ZFAT: variants seen among roughly 807,000 people sequenced by gnomAD.
ZFAT encodes the protein zinc finger and AT-hook domain containing.
Under a neutral mutation model 117.7 loss-of-function variants are expected in ZFAT, and 64 were observed. The observed-to-expected ratio is 0.54, with a 90% confidence interval of 0.44 to 0.67. ZFAT has a LOEUF of 0.67. Among genes scored for constraint, ZFAT ranks in the 30% least tolerant of loss-of-function variants. ZFAT has a pLI of 0.00. For missense variants in ZFAT, 1,433 were observed against 1,584.5 expected, an observed-to-expected ratio of 0.90 and a Z score of 1.62; for synonymous variants, 679 against 615.0, an observed-to-expected ratio of 1.10 and a Z score of -1.54.
chr8:134,517,345 T>C (rs1407153978), intron 13 of ZFAT, among the ~76,000 whole-genome samples: 29 of 152,162 alleles, frequency 1.9e-4, no homozygotes, highest in Admixed American at 1.9e-3. Context: ...TTGAGAAATT[T>C]AGCTTCTCCC....
intron 1 of ZFAT, among the ~76,000 whole-genome samples, chr8:134,658,275 T>C (rs538603415): frequency 6.9e-6 from 1 of 144,820 alleles, no homozygotes; most frequent in East Asian, 2.0e-4. Context: ...AGGTGAAGCT[T>C]GCAGTGAGCC....
intron 2 of ZFAT, among the ~76,000 whole-genome samples, chr8:134,650,239 C>T (rs1346362482): frequency 1.3e-5 from 2 of 151,550 alleles, no homozygotes; most frequent in East Asian, 3.9e-4. Context: ...TCTTCTGCTG[C>T]CTCAGCCTCC....
At chr8:134,537,286 T>C (rs886800073) in intron 11 of ZFAT, among the ~76,000 whole-genome samples, 1 of 152,242 alleles carries the variant, frequency 6.6e-6, no homozygotes, top group African/African-American at 2.4e-5. Context: ...TGCATCAGAT[T>C]TGGGGCCCCA....
chr8:134,541,840 A>G (rs559628044), intron 11 of ZFAT, among the ~76,000 whole-genome samples: 2 of 152,370 alleles, frequency 1.3e-5, no homozygotes, highest in South Asian at 4.1e-4. Flanking sequence ...TTACTCATAA[A>G]TAAAGTATCG....
At chr8:134,621,944 G>A (rs1335951005) in intron 3 of ZFAT, among the ~76,000 whole-genome samples, 1 of 152,264 alleles carries the variant, frequency 6.6e-6, no homozygotes, top group African/African-American at 2.4e-5. Flanking sequence ...TCCAGGCTCT[G>A]CCTTTCAGCT....
At chr8:134,528,996 ACT>A (rs1457803500) in intron 12 of ZFAT, among the ~76,000 whole-genome samples, 2 of 152,144 alleles carry the variant, frequency 1.3e-5, no homozygotes, top group Non-Finnish European at 2.9e-5. Flanking sequence ...TACTGTCGGC[ACT>A]CTCTGGGAAT....
intron 1 of ZFAT, among the ~76,000 whole-genome samples, chr8:134,701,700 A>T (rs563594656): frequency 4.3e-4 from 65 of 152,156 alleles, no homozygotes; most frequent in South Asian, 2.1e-3. Flanking sequence ...CTTTAATACG[A>T]CCTTGAGATT....
At chr8:134,782,996 C>A in the ZFAT span, among the ~76,000 whole-genome samples, 2 of 152,004 alleles carry the variant, frequency 1.3e-5, no homozygotes, top group Non-Finnish European at 2.9e-5. Context: ...TATATACACA[C>A]ACACACATTT....
rs1362869465 is a variant in ZFAT at position 134,528,880 on chromosome 8, T to A, written c.3115+3954A>T. Among the ~76,000 whole-genome samples, 5 of 152,352 alleles carry A rather than the reference T, an allele frequency of 3.3e-5. No homozygotes were observed. In the East Asian group the frequency reaches 9.6e-4, roughly 29 times the overall value. On this transcript the variant is annotated intron_variant, in intron 12 of 15. Coordinates refer to ENST00000377838, the MANE Select transcript of ZFAT (RefSeq NM_020863.4). ...TGCCTTGTTTGACACCAAGTCCCAG[T>A]GCCTAGCATGGTTCCAGGCACACTG...
intron 2 of ZFAT, among the ~76,000 whole-genome samples, chr8:134,653,410 G>A (rs902287108): frequency 4.9e-5 from 6 of 122,326 alleles, no homozygotes; most frequent in African/African-American, 1.2e-4. Flanking sequence ...GGCACAAGCC[G>A]TTTTATCTGT....
intron 2 of ZFAT, among the ~76,000 whole-genome samples, chr8:134,639,340 C>G (rs950176715): frequency 6.6e-6 from 1 of 152,194 alleles, no homozygotes; most frequent in Non-Finnish European, 1.5e-5. Flanking sequence ...AGAGCTTCAA[C>G]CAAACTGCAA....
the ZFAT span, among the ~76,000 whole-genome samples, chr8:134,779,425 C>T: frequency 5.6e-4 from 85 of 152,252 alleles, 2 homozygotes; most frequent in African/African-American, 2.0e-3. Context: ...GTACTTATTT[C>T]GCAGCTCATG....
At chr8:134,827,524 T>C in the ZFAT span, among the ~76,000 whole-genome samples, 5 of 152,112 alleles carry the variant, frequency 3.3e-5, no homozygotes, top group African/African-American at 1.2e-4. Flanking sequence ...TCCCAGCACT[T>C]TGGGGGGCCC....
At chr8:134,701,519 T>C (rs953514054) in intron 1 of ZFAT, among the ~76,000 whole-genome samples, 1 of 152,240 alleles carries the variant, frequency 6.6e-6, no homozygotes, top group Non-Finnish European at 1.5e-5. Context: ...TTGGGAAATA[T>C]ATTCCAAGAA....
At chr8:134,740,695 G>T in the ZFAT span, among the ~76,000 whole-genome samples, 1 of 152,118 alleles carries the variant, frequency 6.6e-6, no homozygotes, top group East Asian at 1.9e-4. Context: ...CAGAACCATG[G>T]AATGTTCTGG....
At chr8:134,683,583 T>C (rs1440522303) in intron 1 of ZFAT, among the ~76,000 whole-genome samples, 1 of 151,814 alleles carries the variant, frequency 6.6e-6, no homozygotes, top group Non-Finnish European at 1.5e-5. Flanking sequence ...ACACAGCCAG[T>C]GGGGGCAGAA....
At chr8:134,624,759 T>C (rs1315175250) in intron 3 of ZFAT, among the ~76,000 whole-genome samples, 1 of 152,198 alleles carries the variant, frequency 6.6e-6, no homozygotes, top group African/African-American at 2.4e-5. Context: ...GAACAGAGTA[T>C]CTCACATGTA....
At chr8:134,805,047 C>G in the ZFAT span, 13 of 336,906 alleles carry the variant, frequency 3.9e-5, no homozygotes, top group South Asian at 3.1e-4. Flanking sequence ...TGAACAATAG[C>G]TGTGACATCT....
At chr8:134,772,553 T>C in the ZFAT span, among the ~76,000 whole-genome samples, 1 of 152,194 alleles carries the variant, frequency 6.6e-6, no homozygotes, top group Non-Finnish European at 1.5e-5. Context: ...CAGAGGTTTG[T>C]TAATGAGGGC....
Sources: allele counts gnomAD v4.1 joint callset (sites outside exome capture counted in the v4.1 genomes callset), GRCh38; gene constraint gnomAD v4.1.1; transcripts MANE v1.5; gene names NCBI Gene and HGNC (gene_info 2026-07-23, HGNC 2026-07-21).